Variants in ZNF292 observed in about 807,000 individuals in gnomAD.
ZNF292 encodes 16 zinc-finger domain protein.
In ZNF292, 26 loss-of-function variants were observed where a neutral mutation model predicts 217.9. That is an observed-to-expected ratio of 0.12 (90% CI 0.09 to 0.17). ZNF292 has a LOEUF of 0.17. ZNF292 is among the 10% of genes least tolerant of loss of function. The pLI is 1.00. For synonymous variants in ZNF292, 1,257 were observed against 1,124.1 expected, an observed-to-expected ratio of 1.12 and a Z score of -2.37; for missense variants, 2,904 against 3,175.2, an observed-to-expected ratio of 0.91 and a Z score of 2.05.
At chr6:87,173,655 T>G (rs1771183763) in intron 1 of ZNF292, 1 of 152,418 alleles carries the variant, frequency 6.6e-6, no homozygotes, top group Non-Finnish European at 1.5e-5. Context: ...TCTCTGGGTC[T>G]TTCTGGTTTC....
At chr6:87,245,391 A>G in intron 6 of ZNF292, 112 bp from the exon 7 acceptor site, 1 of 677,656 alleles carries the variant, frequency 1.5e-6, no homozygotes, top group Non-Finnish European at 2.3e-6. Flanking sequence ...AAGCATGCAT[A>G]TAGGATTGGA....
At chr6:87,226,678 TATATAGA>T (rs57917839) in intron 4 of ZNF292, among the ~76,000 whole-genome samples, 58,740 of 133,444 alleles carry the variant, frequency 0.44, 13,107 homozygotes, top group Admixed American at 0.54. Flanking sequence ...GATATATAGA[TATATAGA>T]TTTTTTTTTT....
At chr6:87,216,107 AG>A in intron 2 of ZNF292, 50 bp downstream of exon 2, 2 of 319,114 alleles carry the variant, frequency 6.3e-6, no homozygotes, top group Admixed American at 2.1e-4. Flanking sequence ...AAAAATACAT[AG>A]ACACACACAC....
In ZNF292 at chr6:87,170,759, T is replaced by G. The variant is rs78444601; in HGVS notation, c.168+15000T>G. ...GTTTGCTTGACAGCCCATTAGATACTGTGAATTAAAATCTTGGGATTCTAA... is the reference window on the plus strand; with the variant it reads ...GTTTGCTTGACAGCCCATTAGATACGGTGAATTAAAATCTTGGGATTCTAA... On this transcript the variant is annotated intron_variant, in intron 1 of 7. Transcript: ENST00000369577. Among the ~76,000 whole-genome samples, 52 of 152,352 alleles carry G rather than the reference T, an allele frequency of 3.4e-4. 1 individual carries two copies. In the East Asian group the frequency reaches 9.8e-3, roughly 29 times the overall value.
At chr6:87,233,283 A>G (rs1280426734) in intron 4 of ZNF292, 42 bp from the exon 5 acceptor site, 1 of 1,416,016 alleles carries the variant, frequency 7.1e-7, no homozygotes, top group African/African-American at 1.4e-5. Flanking sequence ...CAAATGAATT[A>G]TTACCAAATG....
intron 1 of ZNF292, chr6:87,170,170 A>G (rs1402790990): frequency 1.3e-5 from 2 of 152,204 alleles, no homozygotes; most frequent in Non-Finnish European, 2.9e-5. Flanking sequence ...TTATTATATT[A>G]TTTTAGGAGA....
chr6:87,163,173 T>C (rs959250703), intron 1 of ZNF292, among the ~76,000 whole-genome samples: 4 of 152,030 alleles, frequency 2.6e-5, no homozygotes, highest in African/African-American at 2.4e-5. Context: ...TACATAGGGC[T>C]GGGCGCGGTG....
At chr6:87,219,185 T>A (rs758226910) in intron 4 of ZNF292, among the ~76,000 whole-genome samples, 9 of 152,172 alleles carry the variant, frequency 5.9e-5, no homozygotes, top group Non-Finnish European at 8.8e-5. Flanking sequence ...GCGTTTTTCT[T>A]TTATGAGCTC....
At chr6:87,187,983 T>C (rs1159145175) in intron 1 of ZNF292, among the ~76,000 whole-genome samples, 1 of 152,212 alleles carries the variant, frequency 6.6e-6, no homozygotes, top group East Asian at 1.9e-4. Context: ...CTGAGTCTTT[T>C]GATTTTTCAG....
chr6:87,159,441 C>A (rs1264573909), intron 1 of ZNF292, among the ~76,000 whole-genome samples: 2 of 150,048 alleles, frequency 1.3e-5, no homozygotes, highest in African/African-American at 4.9e-5. Context: ...TAGCACACTA[C>A]AACCTCAAAC....
chr6:87,188,814 T>C (rs530209950), intron 1 of ZNF292, among the ~76,000 whole-genome samples: 47 of 151,796 alleles, frequency 3.1e-4, no homozygotes, highest in East Asian at 1.8e-3. Flanking sequence ...AAAATTACTA[T>C]GGCTGGCTAT....
intron 1 of ZNF292, among the ~76,000 whole-genome samples, chr6:87,166,351 A>C (rs950840037): frequency 1.3e-5 from 2 of 152,186 alleles, no homozygotes; most frequent in Non-Finnish European, 2.9e-5. Flanking sequence ...CTTTGGGTTC[A>C]ACTATGAGCT....
chr6:87,165,479 A>G (rs1001636594), intron 1 of ZNF292, among the ~76,000 whole-genome samples: 1 of 152,192 alleles, frequency 6.6e-6, no homozygotes, highest in Non-Finnish European at 1.5e-5. Flanking sequence ...TAGTTGTCAC[A>G]CTGAAACAAA....
intron 1 of ZNF292, among the ~76,000 whole-genome samples, chr6:87,213,473 G>A (rs1772592357): frequency 6.6e-6 from 1 of 152,152 alleles, no homozygotes; most frequent in Non-Finnish European, 1.5e-5. Flanking sequence ...TATTGGCTAG[G>A]GTTGGCCCGC....
At chr6:87,190,620 C>T (rs1011113174) in intron 1 of ZNF292, among the ~76,000 whole-genome samples, 15 of 152,062 alleles carry the variant, frequency 9.9e-5, no homozygotes, top group African/African-American at 3.1e-4. Context: ...ACTACAGGTG[C>T]GTGCCACCAC....
intron 1 of ZNF292, among the ~76,000 whole-genome samples, chr6:87,194,025 A>G (rs1157806343): frequency 3.3e-5 from 5 of 152,176 alleles, no homozygotes; most frequent in Admixed American, 3.3e-4. Context: ...AGAACAGAGG[A>G]AATAAACTAA....
intron 1 of ZNF292, among the ~76,000 whole-genome samples, chr6:87,207,231 T>C (rs1395870054): frequency 6.6e-6 from 1 of 152,234 alleles, no homozygotes; most frequent in Non-Finnish European, 1.5e-5. Context: ...TAATGTTGTG[T>C]CAGAACAAAT....
At chr6:87,243,436 A>AACC in intron 5 of ZNF292, 39 bp from the exon 6 acceptor site, 1 of 1,505,498 alleles carries the variant, frequency 6.6e-7, no homozygotes, top group South Asian at 1.3e-5. Flanking sequence ...TCTAATATAA[A>AACC]ACCATTTTGT....
chr6:87,195,457 T>C (rs1771928920), intron 1 of ZNF292, among the ~76,000 whole-genome samples: 1 of 152,202 alleles, frequency 6.6e-6, no homozygotes, highest in South Asian at 2.1e-4. Flanking sequence ...TACAAAATTG[T>C]TTTTTAGATA....
Sources: gnomAD v4.1 joint callset for allele counts (sites outside exome capture counted in the v4.1 genomes callset) on GRCh38, gnomAD v4.1.1 for gene constraint, MANE v1.5 for transcripts, NCBI Gene and HGNC (gene_info 2026-07-23, HGNC 2026-07-21) for gene names.